NR3C1: variants seen among roughly 807,000 people sequenced by gnomAD.
NR3C1 encodes glucocorticoid receptor.
A neutral mutation model predicts 74.0 loss-of-function variants in NR3C1; 14 were observed. The ratio of observed to expected loss-of-function variants is 0.19; its 90% CI spans 0.12 to 0.30. The LOEUF is 0.30. NR3C1 is among the 10% of genes least tolerant of loss of function. The pLI is 1.00. For missense variants in NR3C1, 695 were observed against 909.8 expected (o/e 0.76, Z 3.04); for synonymous variants, 308 against 332.5 (o/e 0.93, Z 0.80).
intron 2 of NR3C1, among the ~76,000 whole-genome samples, chr5:143,396,490 C>T (rs1434688900): frequency 6.6e-6 from 1 of 151,712 alleles, no homozygotes; most frequent in Non-Finnish European, 1.5e-5. Flanking sequence ...AAATCACAGT[C>T]AAAACAAATC....
exon 1 of NR3C1, chr5:143,434,989 T>A (rs1322001763): frequency 7.1e-6 from 7 of 984,702 alleles, no homozygotes; most frequent in Non-Finnish European, 8.4e-6. Context: ...ATACAGTGAC[T>A]CTCCTAATTA....
chr5:143,328,045 C>T (rs1381548195), intron 2 of NR3C1, among the ~76,000 whole-genome samples: 1 of 152,246 alleles, frequency 6.6e-6, no homozygotes, highest in Non-Finnish European at 1.5e-5. Flanking sequence ...GGCTCTGCCT[C>T]CATGGCAGAC....
At chr5:143,332,057 C>T (rs1427459146) in intron 2 of NR3C1, among the ~76,000 whole-genome samples, 1 of 152,170 alleles carries the variant, frequency 6.6e-6, no homozygotes, top group African/African-American at 2.4e-5. Flanking sequence ...AAACATCTAA[C>T]CACCTGCCAA....
At chr5:143,322,022 C>A (rs1207513070) in intron 2 of NR3C1, among the ~76,000 whole-genome samples, 1 of 152,102 alleles carries the variant, frequency 6.6e-6, no homozygotes, top group Non-Finnish European at 1.5e-5. Flanking sequence ...ATCTGTTTTG[C>A]AAAAGAACTC....
At chr5:143,307,531 T>C (rs1223571359) in intron 4 of NR3C1, among the ~76,000 whole-genome samples, 1 of 152,180 alleles carries the variant, frequency 6.6e-6, no homozygotes, top group Non-Finnish European at 1.5e-5. Flanking sequence ...ATCTTAAACT[T>C]TATATGTATT....
chr5:143,369,027 A>G (rs993855001), intron 2 of NR3C1, among the ~76,000 whole-genome samples: 4 of 151,966 alleles, frequency 2.6e-5, no homozygotes, highest in Admixed American at 2.0e-4. Flanking sequence ...TAGTACATTA[A>G]CTCATGAATG....
chr5:143,318,116 A>G (rs1822556013), intron 2 of NR3C1, among the ~76,000 whole-genome samples: 1 of 152,080 alleles, frequency 6.6e-6, no homozygotes, highest in Non-Finnish European at 1.5e-5. Context: ...ATACTTGGTG[A>G]TCATCACACA....
intron 2 of NR3C1, among the ~76,000 whole-genome samples, chr5:143,323,743 C>T (rs1823911551): frequency 6.6e-6 from 1 of 152,042 alleles, no homozygotes; most frequent in Non-Finnish European, 1.5e-5. Flanking sequence ...AAATCAAAAG[C>T]AAGCTAGTTA....
At chr5:143,351,783 A>C (rs900974315) in intron 2 of NR3C1, among the ~76,000 whole-genome samples, 1 of 152,206 alleles carries the variant, frequency 6.6e-6, no homozygotes, top group Admixed American at 6.5e-5. Context: ...TCTCCCCAGC[A>C]ATCCTGTAGA....
chr5:143,386,104 C>T (rs1036064835), intron 2 of NR3C1, among the ~76,000 whole-genome samples: 1 of 152,144 alleles, frequency 6.6e-6, no homozygotes, highest in African/African-American at 2.4e-5. Flanking sequence ...CATGGCAGAG[C>T]AGGAGAGACA....
intron 2 of NR3C1, among the ~76,000 whole-genome samples, chr5:143,328,649 G>A (rs1453819433): frequency 1.3e-5 from 2 of 152,268 alleles, no homozygotes; most frequent in African/African-American, 4.8e-5. Context: ...AACGCTTTCA[G>A]AATCAGCCAA....
chr5:143,364,527 G>C (rs17339831), intron 2 of NR3C1, among the ~76,000 whole-genome samples: 19,771 of 152,104 alleles, frequency 0.13, 1,484 homozygotes, highest in Middle Eastern at 0.3. Context: ...CCTTTTCTCC[G>C]TATCGGATTC....
chr5:143,376,531 G>A (rs1396157865), intron 2 of NR3C1, among the ~76,000 whole-genome samples: 1 of 152,152 alleles, frequency 6.6e-6, no homozygotes, highest in African/African-American at 2.4e-5. Flanking sequence ...AATGTAACTA[G>A]TACATGGACT....
rs76319751 is a variant in NR3C1, at chr5:143,284,564, G to A, written c.2024-1839C>T. 5.5e-3 allele frequency among the ~76,000 whole-genome samples: 831 copies of A among 151,888 alleles called. 12 individuals carry two copies. The highest frequency in any genetic ancestry group is 0.02 in the African/African-American group (813 of 41,416). ...CTGCCGTATAGTTTTTTTCCCTGCC[G>A]GTTAGTCCTAATTCTAAAAATAACT... On this transcript the variant is annotated intron_variant, in intron 7 of 8. Transcript: ENST00000394464.
intron 2 of NR3C1, among the ~76,000 whole-genome samples, chr5:143,324,113 G>A (rs1369556392): frequency 6.6e-6 from 1 of 152,204 alleles, no homozygotes; most frequent in African/African-American, 2.4e-5. Flanking sequence ...GGGTCTGGAG[G>A]ATGACGGCTC....
At chr5:143,334,409 T>C (rs1826674342) in intron 2 of NR3C1, among the ~76,000 whole-genome samples, 1 of 152,172 alleles carries the variant, frequency 6.6e-6, no homozygotes, top group South Asian at 2.1e-4. Flanking sequence ...GTAGCTTATG[T>C]TCATGTCAAG....
At chr5:143,376,454 T>C (rs951505918) in intron 2 of NR3C1, among the ~76,000 whole-genome samples, 5 of 152,218 alleles carry the variant, frequency 3.3e-5, no homozygotes, top group Admixed American at 2.0e-4. Flanking sequence ...TCCACGTTCC[T>C]TCTCTCTAAG....
At chr5:143,419,199 T>C (rs1486293567) in intron 1 of NR3C1, among the ~76,000 whole-genome samples, 1 of 152,208 alleles carries the variant, frequency 6.6e-6, no homozygotes, top group Non-Finnish European at 1.5e-5. Context: ...GTCGGAAGCA[T>C]TTTGGATAAG....
chr5:143,331,473 G>A (rs1024005456), intron 2 of NR3C1, among the ~76,000 whole-genome samples: 5 of 152,062 alleles, frequency 3.3e-5, no homozygotes, highest in African/African-American at 7.2e-5. Flanking sequence ...CCATAAAGAC[G>A]CATGCATGTG....
Sources: gnomAD v4.1 joint callset for allele counts (sites outside exome capture counted in the v4.1 genomes callset) on GRCh38, gnomAD v4.1.1 for gene constraint, MANE v1.5 for transcripts, NCBI Gene and HGNC (gene_info 2026-07-23, HGNC 2026-07-21) for gene names.